The following ADD2 variants were observed in gnomAD, a reference collection of about 807,000 sequenced individuals.
ADD2 encodes the protein beta-adducin.
A neutral mutation model predicts 83.0 loss-of-function variants in ADD2; 23 were observed. The observed-to-expected ratio is 0.28, with a 90% confidence interval of 0.20 to 0.39. The LOEUF (loss-of-function observed/expected upper bound fraction) is 0.39. Ranked by LOEUF, ADD2 falls within the 10% of genes least tolerant of loss-of-function variation. The pLI is 1.00. For missense variants in ADD2, 758 were observed against 944.9 expected (o/e 0.80, Z 2.59); for synonymous variants, 375 against 375.4 (o/e 1.00, Z 0.01).
chr2:70,683,010 C>G (rs1670535527), intron 10 of ADD2, among the ~76,000 whole-genome samples: 1 of 148,218 alleles, frequency 6.7e-6, no homozygotes, highest in Non-Finnish European at 1.5e-5. Flanking sequence ...CCAGTTTTTA[C>G]TGGAGTATGA....
chr2:70,736,125 G>C (rs782732095), intron 1 of ADD2, among the ~76,000 whole-genome samples: 1 of 152,094 alleles, frequency 6.6e-6, no homozygotes, highest in Non-Finnish European at 1.5e-5. Context: ...TAACTGCCGG[G>C]GGTGGGGGGC....
chr2:70,705,958 G>A (rs1004444037), intron 3 of ADD2, among the ~76,000 whole-genome samples: 4 of 152,140 alleles, frequency 2.6e-5, no homozygotes, highest in Non-Finnish European at 5.9e-5. Flanking sequence ...GCTCCGAAGG[G>A]GCACAGGAAA....
At chr2:70,709,390 G>A (rs978025087) in intron 2 of ADD2, among the ~76,000 whole-genome samples, 1 of 152,066 alleles carries the variant, frequency 6.6e-6, no homozygotes, top group Non-Finnish European at 1.5e-5. Context: ...TGCTAGAATG[G>A]TTGTGGTCAT....
At chr2:70,704,490 C>G (rs781929742) in intron 3 of ADD2, 31 bp from the exon 4 acceptor site, 14 of 1,611,262 alleles carry the variant, frequency 8.7e-6, no homozygotes, top group Middle Eastern at 1.6e-4. Context: ...CTTGTCCCCC[C>G]ACAGCCTCTC....
chr2:70,664,935 TGTAA>T (rs1217375955), intron 15 of ADD2, among the ~76,000 whole-genome samples: 1 of 152,024 alleles, frequency 6.6e-6, no homozygotes, highest in Non-Finnish European at 1.5e-5. Flanking sequence ...AATGTGTTTG[TGTAA>T]GTGTGTGTGA....
chr2:70,704,263 T>TGGGCCCCC, intron 4 of ADD2, 58 bp downstream of exon 4: 2 of 913,238 alleles, frequency 2.2e-6, no homozygotes. Flanking sequence ...CTCCCTCTCT[T>TGGGCCCCC]CCCCACCCCA....
chr2:70,697,053 G>A (rs1574256740), intron 4 of ADD2, among the ~76,000 whole-genome samples: 1 of 152,208 alleles, frequency 6.6e-6, no homozygotes, highest in South Asian at 2.1e-4. Flanking sequence ...CAGCTACTCA[G>A]GAGGCTGAGG....
At chr2:70,708,747 T>A (rs958647768) in intron 2 of ADD2, among the ~76,000 whole-genome samples, 1 of 152,228 alleles carries the variant, frequency 6.6e-6, no homozygotes, top group Admixed American at 6.5e-5. Context: ...TTTCCACGTA[T>A]AATAAACTGT....
At chr2:70,720,106 TG>T (rs1307554723) in intron 1 of ADD2, among the ~76,000 whole-genome samples, 1 of 152,176 alleles carries the variant, frequency 6.6e-6, no homozygotes, top group Non-Finnish European at 1.5e-5. Context: ...TTTTTTTTAC[TG>T]GGCATTTCCC....
Position 70,662,145 on chromosome 2 carries a change from T to C in ADD2, c.*1280A>G, listed in dbSNP as rs981947523. 1 of 152,210 alleles carries C rather than the reference T, an allele frequency of 6.6e-6. No homozygotes were observed. Among genetic ancestry groups the C allele is most frequent in the Non-Finnish European group, 1.5e-5 (1 of 68,040 alleles). 9.4% of individuals were successfully genotyped at this position (152,210 alleles called of 1,614,324 possible). On this transcript the variant is annotated 3_prime_UTR_variant, in exon 16 of 16. Transcript: ENST00000264436. ...GACACGGTGCTTTCAAGAGAATGGA[T>C]TGTCTAATTTTTAGGAGCCAACAAA...
intron 15 of ADD2, among the ~76,000 whole-genome samples, chr2:70,664,678 C>T (rs1162563381): frequency 2.0e-5 from 3 of 152,164 alleles, no homozygotes; most frequent in Non-Finnish European, 4.4e-5. Flanking sequence ...ACGACGGGAA[C>T]TGAAAGGAGT....
At chr2:70,690,975 C>T (rs1553371499) in intron 7 of ADD2, 46 bp from the exon 8 acceptor site, 7 of 1,581,674 alleles carry the variant, frequency 4.4e-6, no homozygotes, top group Non-Finnish European at 5.1e-6. Flanking sequence ...CCTCCCTGCC[C>T]TTTCCTCAGA....
chr2:70,749,301 T>C (rs1486340438), intron 1 of ADD2, among the ~76,000 whole-genome samples: 1 of 152,038 alleles, frequency 6.6e-6, no homozygotes, highest in African/African-American at 2.4e-5. Flanking sequence ...ACACGGGGAA[T>C]AGGGGATTAT....
intron 1 of ADD2, among the ~76,000 whole-genome samples, chr2:70,753,129 A>G (rs1553383208): frequency 2.6e-5 from 4 of 152,192 alleles, no homozygotes; most frequent in Non-Finnish European, 5.9e-5. Context: ...ACAGAAGAAA[A>G]GGAGGAACAG....
chr2:70,765,544 C>T (rs1675338930), intron 1 of ADD2, among the ~76,000 whole-genome samples: 1 of 152,182 alleles, frequency 6.6e-6, no homozygotes, highest in Non-Finnish European at 1.5e-5. Context: ...ACACAGACCA[C>T]GTCTATCTGC....
chr2:70,694,427 T>G (rs561190141), intron 6 of ADD2, among the ~76,000 whole-genome samples: 1 of 152,134 alleles, frequency 6.6e-6, no homozygotes, highest in Non-Finnish European at 1.5e-5. Flanking sequence ...TGGCTCTGAG[T>G]GTCCAGCAGA....
intron 11 of ADD2, 53 bp from the exon 12 acceptor site, chr2:70,677,930 C>T: frequency 6.2e-7 from 1 of 1,609,392 alleles, no homozygotes; most frequent in South Asian, 1.1e-5. Flanking sequence ...CCCATGAGTC[C>T]TCCCCAGTGG....
At chr2:70,714,613 G>A (rs1437787758) in intron 1 of ADD2, among the ~76,000 whole-genome samples, 3 of 152,180 alleles carry the variant, frequency 2.0e-5, no homozygotes, top group Non-Finnish European at 2.9e-5. Flanking sequence ...ATCCAGTGCC[G>A]GCTGAGCTCC....
In ADD2 at chr2:70,659,975, C is replaced by CATGA; in HGVS notation, c.*3446_*3449dup. The CATGA allele has an allele frequency of 6.6e-6, 1 of 152,354 alleles. No homozygotes were observed. Among genetic ancestry groups the CATGA allele is most frequent in the South Asian group, 2.1e-4 (1 of 4,828 alleles). The allele number at this position is 152,354 out of a possible 1,614,324, so 9.4% of individuals were successfully genotyped here. A position where few individuals can be genotyped will look rare whatever the true frequency, so the allele number is the denominator to read the frequency against. ...ATCCAAGCACAGTAGCTCAACCAGA[C>CATGA]ATGAACCTACTGCCCACCAAATCTG... On this transcript the variant is annotated 3_prime_UTR_variant, in exon 16 of 16. Transcript: ENST00000264436.
Sources: allele counts gnomAD v4.1 joint callset (sites outside exome capture counted in the v4.1 genomes callset), GRCh38; gene constraint gnomAD v4.1.1; transcripts MANE v1.5; gene names NCBI Gene and HGNC (gene_info 2026-07-23, HGNC 2026-07-21).